SOX6: variants seen among roughly 807,000 people sequenced by gnomAD.
SOX6 encodes SRY-box transcription factor 6.
SOX6 carries 11 observed loss-of-function variants against 97.8 expected under a neutral mutation model. The ratio of observed to expected loss-of-function variants is 0.11; its 90% CI spans 0.07 to 0.19. The LOEUF is 0.19. Ranked by LOEUF, SOX6 falls within the 10% of genes least tolerant of loss-of-function variation. The probability of loss-of-function intolerance (pLI) is 1.00; values close to 1 mark genes in which losing one functional copy is unlikely to be tolerated. For missense variants in SOX6, 810 were observed against 1,039.5 expected, an observed-to-expected ratio of 0.78 and a Z score of 3.04; for synonymous variants, 360 against 371.4, an observed-to-expected ratio of 0.97 and a Z score of 0.35.
intron 13 of SOX6, among the ~76,000 whole-genome samples, chr11:16,002,395 C>A: frequency 6.6e-6 from 1 of 152,206 alleles, no homozygotes; most frequent in African/African-American, 2.4e-5. Context: ...CCTGTGTTTA[C>A]TTTTTTCAAA....
intron 1 of SOX6, among the ~76,000 whole-genome samples, chr11:16,407,446 T>G (rs748920703): frequency 3.9e-5 from 6 of 152,114 alleles, no homozygotes; most frequent in Non-Finnish European, 7.4e-5. Flanking sequence ...CTACAAAAGA[T>G]GAATGAGGAA....
At chr11:16,609,733 G>A (rs1186019835) in intron 4 of SOX6, among the ~76,000 whole-genome samples, 1 of 152,232 alleles carries the variant, frequency 6.6e-6, no homozygotes, top group African/African-American at 2.4e-5. Context: ...AGATAAGAGT[G>A]AAGATGAGCT....
At chr11:16,006,071 A>G (rs889684211) in intron 13 of SOX6, among the ~76,000 whole-genome samples, 5 of 152,062 alleles carry the variant, frequency 3.3e-5, no homozygotes, top group African/African-American at 1.2e-4. Context: ...ACTTGCATCC[A>G]GGAGGAGAGG....
intron 3 of SOX6, among the ~76,000 whole-genome samples, chr11:16,677,258 T>C (rs548991769): frequency 1.3e-5 from 2 of 152,328 alleles, no homozygotes; most frequent in South Asian, 4.1e-4. Context: ...TATGTACCTG[T>C]AGCTGGAATG....
At chr11:16,139,632 T>C (rs866647869) in intron 6 of SOX6, among the ~76,000 whole-genome samples, 3 of 152,058 alleles carry the variant, frequency 2.0e-5, no homozygotes, top group Non-Finnish European at 4.4e-5. Flanking sequence ...TCCAGACTTA[T>C]CTTGTATTTT....
intron 13 of SOX6, among the ~76,000 whole-genome samples, chr11:16,004,257 C>T (rs1205718036): frequency 6.6e-6 from 1 of 151,932 alleles, no homozygotes; most frequent in Non-Finnish European, 1.5e-5. Context: ...GTCCAAGTCT[C>T]ACGGTTAATA....
At chr11:16,068,992 A>G (rs1383063450) in intron 9 of SOX6, among the ~76,000 whole-genome samples, 1 of 151,978 alleles carries the variant, frequency 6.6e-6, no homozygotes, top group Non-Finnish European at 1.5e-5. Flanking sequence ...GACCATTAAA[A>G]CCTCTTTCAT....
At chr11:16,146,570 A>T (rs1330038091) in intron 6 of SOX6, among the ~76,000 whole-genome samples, 29 of 152,200 alleles carry the variant, frequency 1.9e-4, no homozygotes, top group Admixed American at 1.9e-3. Flanking sequence ...CAGGCAACCT[A>T]CAGAATGGGA....
At chr11:16,378,473 T>C (rs1172528805) in intron 1 of SOX6, among the ~76,000 whole-genome samples, 2 of 152,054 alleles carry the variant, frequency 1.3e-5, no homozygotes, top group Non-Finnish European at 2.9e-5. Flanking sequence ...GCCAAATGAA[T>C]AGGCAGATCA....
intron 6 of SOX6, among the ~76,000 whole-genome samples, chr11:16,132,864 A>C (rs1849856414): frequency 6.6e-6 from 1 of 152,194 alleles, no homozygotes; most frequent in African/African-American, 2.4e-5. Flanking sequence ...CTGATCTCTC[A>C]GAATGGCATA....
At chr11:16,103,490 C>T (rs1849000617) in intron 7 of SOX6, among the ~76,000 whole-genome samples, 1 of 151,940 alleles carries the variant, frequency 6.6e-6, no homozygotes. Context: ...AGTAGACCTA[C>T]TGTTTGATCC....
chr11:16,465,361 C>T (rs1860009622), intron 1 of SOX6, among the ~76,000 whole-genome samples: 1 of 152,182 alleles, frequency 6.6e-6, no homozygotes, highest in Admixed American at 6.5e-5. Flanking sequence ...AATGAGCATA[C>T]ACTTACTACT....
chr11:16,549,013 A>G (rs1176728727), intron 4 of SOX6, among the ~76,000 whole-genome samples: 1 of 152,186 alleles, frequency 6.6e-6, no homozygotes, highest in Non-Finnish European at 1.5e-5. Context: ...TTTCAATTTA[A>G]TTAAAAATAA....
chr11:16,026,518 C>G (rs1855220469), intron 12 of SOX6, among the ~76,000 whole-genome samples: 2 of 152,156 alleles, frequency 1.3e-5, no homozygotes, highest in Admixed American at 1.3e-4. Flanking sequence ...GTTTGAGACT[C>G]ATTATGGTGG....
chr11:16,680,407 C>G (rs143562331), intron 3 of SOX6, among the ~76,000 whole-genome samples: 1 of 152,124 alleles, frequency 6.6e-6, no homozygotes, highest in Non-Finnish European at 1.5e-5. Context: ...CAAGCAAATG[C>G]TGAGAGATTT....
chr11:16,537,692 T>C (rs1042290145), intron 4 of SOX6, among the ~76,000 whole-genome samples: 1 of 152,114 alleles, frequency 6.6e-6, no homozygotes. Flanking sequence ...CAAGCTTCAA[T>C]AGCCGATTCA....
intron 4 of SOX6, among the ~76,000 whole-genome samples, chr11:16,483,226 CA>C (rs1860374860): frequency 6.6e-6 from 1 of 152,106 alleles, no homozygotes; most frequent in Non-Finnish European, 1.5e-5. Flanking sequence ...CCTAGCACAG[CA>C]AGTATAATAT....
At chr11:16,378,011 A>G (rs578107373) in intron 1 of SOX6, among the ~76,000 whole-genome samples, 76 of 152,278 alleles carry the variant, frequency 5.0e-4, no homozygotes, top group African/African-American at 1.6e-3. Flanking sequence ...CGAACTAGCT[A>G]TCTAGGAATT....
rs181701156 is a variant in SOX6 at position 16,238,760 on chromosome 11, G to A, written c.446-4089C>T. On this transcript the variant is annotated intron_variant, in intron 3 of 15. Coordinates refer to ENST00000683767, the MANE Select transcript of SOX6 (RefSeq NM_001367873.1). ...CAAACACTTATTTTCCCTTTACCTC[G>A]TGATATTTAAACTTAGAAATGCTAA... Among the ~76,000 whole-genome samples, 82 of 152,104 alleles carry A rather than the reference G, an allele frequency of 5.4e-4. 1 individual carries two copies. Among genetic ancestry groups the A allele is most frequent in the African/African-American group, 1.8e-3 (74 of 41,518 alleles).
Sources: allele counts gnomAD v4.1 joint callset (sites outside exome capture counted in the v4.1 genomes callset), GRCh38; gene constraint gnomAD v4.1.1; transcripts MANE v1.5; gene names NCBI Gene and HGNC (gene_info 2026-07-23, HGNC 2026-07-21).